RMRP: variants seen among roughly 807,000 people sequenced by gnomAD.
RMRP encodes the protein RNA component of mitochondrial RNA processing endoribonuclease, also known as RNase MRP RNA.
chr9:35,658,019 A>ACGTCCTCAGCTTCACAGAG (rs1554651404), upstream of RMRP: 2 of 690,034 alleles, frequency 2.9e-6, no homozygotes, highest in East Asian at 2.7e-5. Context: ...AGCACGAACC[A>ACGTCCTCAGCTTCACAGAG]CGTCCTCAGC....
rs981913573 is a variant in RMRP, at chr9:35,657,976, G to A, written n.42C>T. 1.6e-5 allele frequency: 11 copies of A among 700,338 alleles called. No homozygotes were observed. Among genetic ancestry groups the A allele is most frequent in the Non-Finnish European group, 2.6e-5 (10 of 384,814 alleles). 43.4% of individuals were successfully genotyped at this position (700,338 alleles called of 1,614,324 possible). On this transcript the variant is annotated non_coding_transcript_exon_variant, in exon 1 of 1. Transcript: ENST00000363046. ...CCTAGGCGGAAAGGGGAGGAACAGA[G>A]TCCTCAGTGTGTAGCCTAGGATACA...
In RMRP at chr9:35,657,852, C is replaced by T. The variant is rs530627656; in HGVS notation, n.166G>A. 28 of 693,846 alleles carry T rather than the reference C, an allele frequency of 4.0e-5. No homozygotes were observed. The East Asian group carries it at 6.7e-4, about 17-fold the overall frequency. 43.0% of individuals were successfully genotyped at this position (693,846 alleles called of 1,614,324 possible). On this transcript the variant is annotated non_coding_transcript_exon_variant, in exon 1 of 1. Coordinates refer to ENST00000363046, the Ensembl canonical transcript of RMRP. Reference sequence around the variant, plus strand: ...GATGACGCCCCCGCGCCACGCCGCTCAGCGGGATACGCTTCTTGGCGGACT... The same window carrying T: ...GATGACGCCCCCGCGCCACGCCGCTTAGCGGGATACGCTTCTTGGCGGACT...
chr9:35,657,874 G>C (rs759632477), exon 1 of RMRP: 1 of 694,148 alleles, frequency 1.4e-6, no homozygotes, highest in African/African-American at 1.9e-5. Context: ...CTTCTTGGCG[G>C]ACTTTGGAGT....
Position 35,657,765 on chromosome 9 carries a change from AATGAGCCCC to A in RMRP, n.244_252del, listed in dbSNP as rs1401833682. 1.4e-6 allele frequency: 1 copy of A among 692,630 alleles called. No homozygotes were observed. Among genetic ancestry groups the A allele is most frequent in the Non-Finnish European group, 2.6e-6 (1 of 378,536 alleles). 42.9% of individuals were successfully genotyped at this position (692,630 alleles called of 1,614,324 possible). On this transcript the variant is annotated non_coding_transcript_exon_variant, in exon 1 of 1. Coordinates refer to ENST00000363046, the Ensembl canonical transcript of RMRP. ...GGGAACAAAAAACAGCCGCGCTGAGAATGAGCCCCGTGTGGTTGGTGCGCGGACACGCAC... is the reference window on the plus strand; with the variant it reads ...GGGAACAAAAAACAGCCGCGCTGAGAGTGTGGTTGGTGCGCGGACACGCAC...
rs769080777 is a variant in RMRP at position 35,657,758 on chromosome 9, C to T, written n.260G>A. The T allele has an allele frequency of 4.7e-5, 32 of 686,660 alleles. No individual in the cohort carries two copies. Among genetic ancestry groups the T allele is most frequent in the Non-Finnish European group, 7.2e-5 (27 of 374,508 alleles). 42.5% of individuals were successfully genotyped at this position (686,660 alleles called of 1,614,324 possible). ...TGGTCTCGGGAACAAAAAACAGCCG[C>T]GCTGAGAATGAGCCCCGTGTGGTTG... On this transcript the variant is annotated non_coding_transcript_exon_variant, in exon 1 of 1. Coordinates refer to ENST00000363046, the Ensembl canonical transcript of RMRP.
rs964504772 is a variant in RMRP at position 35,657,816 on chromosome 9, G to A, written n.202C>T. ...GACACGCACTGCCTGCGTAACTAGA[G>A]GGAGCTGACGGATGACGCCCCCGCG... On this transcript the variant is annotated non_coding_transcript_exon_variant, in exon 1 of 1. Coordinates refer to ENST00000363046, the Ensembl canonical transcript of RMRP. 9 of 692,690 alleles carry A rather than the reference G, an allele frequency of 1.3e-5. No homozygotes were observed. Among genetic ancestry groups the A allele is most frequent in the African/African-American group, 1.2e-4 (6 of 50,256 alleles). 42.9% of individuals were successfully genotyped at this position (692,690 alleles called of 1,614,324 possible).
chr9:35,658,017 C>CCACGTCCTCAGCTTCACAGAGT, upstream of RMRP: 2 of 690,390 alleles, frequency 2.9e-6, no homozygotes, highest in Non-Finnish European at 5.3e-6. Flanking sequence ...TCAGCACGAA[C>CCACGTCCTCAGCTTCACAGAGT]CACGTCCTCA....
At chr9:35,657,987 G>GT (rs1563907562) in exon 1 of RMRP, 1 of 700,364 alleles carries the variant, frequency 1.4e-6, no homozygotes, top group East Asian at 2.7e-5. Context: ...TCCTCAGTGT[G>GT]TAGCCTAGGA....
exon 1 of RMRP, chr9:35,657,890 G>C (rs1335579840): frequency 1.4e-6 from 1 of 700,356 alleles, no homozygotes; most frequent in Non-Finnish European, 2.6e-6. Context: ...GGAGTGGGAA[G>C]CGGGGAATGT....
At position 35,657,938 on chromosome 9, in the gene RMRP, C is replaced by T. The variant is rs565037825; in HGVS notation, n.80G>A. The T allele has an allele frequency of 1.3e-5, 9 of 700,444 alleles. No individual in the cohort carries two copies. In the East Asian group the frequency reaches 1.3e-4, roughly 10 times the overall value. The allele number at this position is 700,444 out of a possible 1,614,324, so 43.4% of individuals were successfully genotyped here. ...GCACGTGGCACTCTCTGCCCGAGGT[C>T]CGGGGACTTTCCCCTAGGCGGAAAG... On this transcript the variant is annotated non_coding_transcript_exon_variant, in exon 1 of 1. Transcript: ENST00000363046.
rs1823617443 is a variant in RMRP at position 35,657,904 on chromosome 9, C to CGG, written n.113_114insCC. The CGG allele has an allele frequency of 2.9e-6, 2 of 700,438 alleles. No homozygotes were observed. The highest frequency in any genetic ancestry group is 2.0e-5 in the Admixed American group (1 of 50,016). The allele number at this position is 700,438 out of a possible 1,614,324, so 43.4% of individuals were successfully genotyped here. On this transcript the variant is annotated non_coding_transcript_exon_variant, in exon 1 of 1. Transcript: ENST00000363046. ...TGGAGTGGGAAGCGGGGAATGTCTA[C>CGG]GTGCGTATGCACGTGGCACTCTCTG...
At position 35,657,838 on chromosome 9, in the gene RMRP, C is replaced by CG. The variant is rs940080676; in HGVS notation, n.179dup. 5.2e-5 allele frequency: 36 copies of CG among 693,404 alleles called. No individual in the cohort carries two copies. The Admixed American group carries it at 5.6e-4, about 11-fold the overall frequency. 43.0% of individuals were successfully genotyped at this position (693,404 alleles called of 1,614,324 possible). ...AGAGGGAGCTGACGGATGACGCCCC[C>CG]GCGCCACGCCGCTCAGCGGGATACG... On this transcript the variant is annotated non_coding_transcript_exon_variant, in exon 1 of 1. Coordinates refer to ENST00000363046, the Ensembl canonical transcript of RMRP.
chr9:35,657,776 T>G lies in RMRP; in HGVS notation n.242A>C, dbSNP rs551450545. The G allele has an allele frequency of 1.4e-6, 1 of 696,644 alleles. No homozygotes were observed. The highest frequency in any genetic ancestry group is 2.6e-6 in the Non-Finnish European group (1 of 381,668). The allele number at this position is 696,644 out of a possible 1,614,324, so 43.2% of individuals were successfully genotyped here. On this transcript the variant is annotated non_coding_transcript_exon_variant, in exon 1 of 1. Coordinates refer to ENST00000363046, the Ensembl canonical transcript of RMRP. ...ACAGCCGCGCTGAGAATGAGCCCCG[T>G]GTGGTTGGTGCGCGGACACGCACTG...
chr9:35,657,929 G>A lies in RMRP; in HGVS notation n.89C>T, dbSNP rs1418128709. On this transcript the variant is annotated non_coding_transcript_exon_variant, in exon 1 of 1. Transcript: ENST00000363046. ...CGTGCGTATGCACGTGGCACTCTCT[G>A]CCCGAGGTCCGGGGACTTTCCCCTA... 9 of 700,356 alleles carry A rather than the reference G, an allele frequency of 1.3e-5. No individual in the cohort carries two copies. Among genetic ancestry groups the A allele is most frequent in the African/African-American group, 1.0e-4 (6 of 57,210 alleles). 43.4% of individuals were successfully genotyped at this position (700,356 alleles called of 1,614,324 possible).
At position 35,657,895 on chromosome 9, in the gene RMRP, G is replaced by GAAT. The variant is rs1240755048; in HGVS notation, n.120_122dup. 4 of 697,844 alleles carry GAAT rather than the reference G, an allele frequency of 5.7e-6. No homozygotes were observed. Among genetic ancestry groups the GAAT allele is most frequent in the African/African-American group, 5.4e-5 (3 of 55,130 alleles). The allele number at this position is 697,844 out of a possible 1,614,324, so 43.2% of individuals were successfully genotyped here. On this transcript the variant is annotated non_coding_transcript_exon_variant, in exon 1 of 1. Coordinates refer to ENST00000363046, the Ensembl canonical transcript of RMRP. Reference sequence around the variant, plus strand: ...GGCGGACTTTGGAGTGGGAAGCGGGGAATGTCTACGTGCGTATGCACGTGG... The same window carrying GAAT: ...GGCGGACTTTGGAGTGGGAAGCGGGGAATAATGTCTACGTGCGTATGCACGTGG...
chr9:35,657,909 G>A (rs1198937575), exon 1 of RMRP: 4 of 700,370 alleles, frequency 5.7e-6, no homozygotes, highest in Admixed American at 4.0e-5. Context: ...GTCTACGTGC[G>A]TATGCACGTG....
exon 1 of RMRP, chr9:35,657,987 G>GTAGC: frequency 2.9e-6 from 2 of 700,364 alleles, no homozygotes; most frequent in Non-Finnish European, 5.2e-6. Flanking sequence ...TCCTCAGTGT[G>GTAGC]TAGCCTAGGA....
downstream of RMRP, chr9:35,657,750 A>C (rs555390900): frequency 1.4e-4 from 99 of 683,168 alleles, 1 homozygote; most frequent in South Asian, 9.2e-4. Flanking sequence ...GGGAACAAAA[A>C]ACAGCCGCGC....
chr9:35,657,952 C>G (rs1235939791), exon 1 of RMRP: 1 of 700,320 alleles, frequency 1.4e-6, no homozygotes, highest in Non-Finnish European at 2.6e-6. Context: ...GGACTTTCCC[C>G]TAGGCGGAAA....
Sources: gnomAD v4.1 joint callset for allele counts on GRCh38, gnomAD v4.1.1 for gene constraint, MANE v1.5 for transcripts, NCBI Gene and HGNC (gene_info 2026-07-23, HGNC 2026-07-21) for gene names.